CCDC77: variants seen among roughly 807,000 people sequenced by gnomAD.
CCDC77 encodes coiled-coil domain-containing protein 77.
Under a neutral mutation model 66.8 loss-of-function variants are expected in CCDC77, and 56 were observed. The ratio of observed to expected loss-of-function variants is 0.84; its 90% CI spans 0.68 to 1.05. The LOEUF (loss-of-function observed/expected upper bound fraction) is 1.05, where lower values mean the gene tolerates loss of function less well. CCDC77 is among the 50% of genes least tolerant of loss of function. The pLI is 0.00. For missense variants in CCDC77, 570 were observed against 576.8 expected (o/e 0.99, Z 0.12); for synonymous variants, 196 against 195.2 (o/e 1.00, Z -0.03).
chr12:428,744 T>C (rs765540054), intron 5 of CCDC77, 25 bp from the exon 6 acceptor site: 18 of 1,510,708 alleles, frequency 1.2e-5, no homozygotes, highest in Non-Finnish European at 1.4e-5. Flanking sequence ...TAATAATATG[T>C]GCTTGCTTTC....
At chr12:408,058 A>C (rs549494570) in intron 2 of CCDC77, among the ~76,000 whole-genome samples, 2 of 152,218 alleles carry the variant, frequency 1.3e-5, no homozygotes, top group East Asian at 3.9e-4. Context: ...AAGTGCTGGG[A>C]TTACAGGCAT....
chr12:411,455 C>T (rs1040578527), intron 3 of CCDC77, among the ~76,000 whole-genome samples: 2 of 151,746 alleles, frequency 1.3e-5, no homozygotes, highest in African/African-American at 4.8e-5. Context: ...GCTAGGATTA[C>T]AGGTGTGAGC....
At chr12:392,039 T>C (rs533615175) in intron 1 of CCDC77, among the ~76,000 whole-genome samples, 10 of 152,344 alleles carry the variant, frequency 6.6e-5, no homozygotes, top group African/African-American at 2.2e-4. Context: ...TCAGCTTCTA[T>C]GAGGGCATTC....
chr12:433,375 T>G, intron 9 of CCDC77, 53 bp downstream of exon 9: 1 of 1,593,728 alleles, frequency 6.3e-7, no homozygotes, highest in African/African-American at 1.4e-5. Flanking sequence ...TCTGAGTGAC[T>G]TAAAAGTTAA....
intron 6 of CCDC77, among the ~76,000 whole-genome samples, chr12:429,806 G>C (rs970787304): frequency 6.6e-6 from 1 of 151,916 alleles, no homozygotes; most frequent in African/African-American, 2.4e-5. Context: ...AAATTTTAGA[G>C]CTGAGGTCTT....
Position 438,527 on chromosome 12 carries a change from T to G in CCDC77, c.1014T>G (p.Ser338Arg). The change falls in exon 10 of 13, where the codon AGT becomes AGG. Residue 338 changes from serine to arginine, a missense_variant. Transcript: ENST00000239830. ...AAGTGTTGCCCGTTATGCATGAGAG[T>G]CACCATGCTCAAAGTGAATATATTA... Reference protein sequence around the residue: ...IGKVLPVMHESHHAQSEYIKS... With the variant: ...IGKVLPVMHERHHAQSEYIKS... 1 of 1,612,020 alleles carries G rather than the reference T, an allele frequency of 6.2e-7. No homozygotes were observed. The highest frequency in any genetic ancestry group is 8.5e-7 in the Non-Finnish European group (1 of 1,178,402).
chr12:416,046 C>T lies in CCDC77; in HGVS notation c.271-2448C>T, dbSNP rs540180619. On this transcript the variant is annotated intron_variant, in intron 4 of 12. Coordinates refer to ENST00000239830, the MANE Select transcript of CCDC77 (RefSeq NM_032358.4). ...GTCTTGAACGCCTGACCACAGATGA[C>T]CCATCTGGCTCGGCCTCCCAAGGTG... 2.4e-3 allele frequency among the ~76,000 whole-genome samples: 362 copies of T among 151,692 alleles called. 2 individuals carry two copies. Among genetic ancestry groups the T allele is most frequent in the African/African-American group, 8.3e-3 (344 of 41,364 alleles).
chr12:428,707 A>C, intron 5 of CCDC77, 62 bp from the exon 6 acceptor site: 7 of 1,129,782 alleles, frequency 6.2e-6, no homozygotes, highest in Non-Finnish European at 8.9e-6. Context: ...TCCTTTAAAC[A>C]GAAAAAGGTT....
At chr12:435,486 A>C (rs929040586) in intron 9 of CCDC77, among the ~76,000 whole-genome samples, 1 of 152,040 alleles carries the variant, frequency 6.6e-6, no homozygotes, top group Non-Finnish European at 1.5e-5. Context: ...AAGCCTAAAA[A>C]CCCCCTCAAG....
In CCDC77 at chr12:440,607, T is replaced by G. The variant is rs754761239; in HGVS notation, c.1042-10T>G. The G allele has an allele frequency of 1.2e-6, 2 of 1,613,436 alleles. No homozygotes were observed. The highest frequency in any genetic ancestry group is 2.7e-5 in the African/African-American group (2 of 74,912). ...TGAGTGTTAATGTTTTTTGTCCCTT[T>G]GACTTGTAGTCCCTAAAAGATAAGT... On this transcript the variant is annotated splice_polypyrimidine_tract_variant and intron_variant, in intron 10 of 12. Coordinates refer to ENST00000239830, the MANE Select transcript of CCDC77 (RefSeq NM_032358.4).
chr12:406,317 G>C (rs1460863282), intron 2 of CCDC77, among the ~76,000 whole-genome samples: 1 of 152,206 alleles, frequency 6.6e-6, no homozygotes, highest in Non-Finnish European at 1.5e-5. Flanking sequence ...CCCTGAAGGA[G>C]GAGAGGGAGT....
chr12:437,845 T>A (rs1356708208), intron 9 of CCDC77, among the ~76,000 whole-genome samples: 3 of 124,512 alleles, frequency 2.4e-5, no homozygotes, highest in Admixed American at 8.7e-5. Flanking sequence ...GACCCTGTCT[T>A]AAAAAAAAAA....
chr12:409,358 T>C lies in CCDC77; in HGVS notation c.-16-10T>C, dbSNP rs1190165254. ...TGGCCCGTAATTATGAATTTTTGTG[T>C]ATTTGATAGGTGTGAAAAAGACAGC... On this transcript the variant is annotated splice_polypyrimidine_tract_variant and intron_variant, in intron 2 of 12. Transcript: ENST00000239830. 1.4e-5 allele frequency: 22 copies of C among 1,606,888 alleles called. No individual in the cohort carries two copies. The highest frequency in any genetic ancestry group is 1.9e-5 in the Non-Finnish European group (22 of 1,174,318).
chr12:428,066 G>A (rs1945568236), intron 5 of CCDC77, among the ~76,000 whole-genome samples: 1 of 152,174 alleles, frequency 6.6e-6, no homozygotes, highest in South Asian at 2.1e-4. Context: ...ATGAGAGGCA[G>A]AAACTTGGGT....
chr12:417,508 A>C (rs941453906), intron 4 of CCDC77, among the ~76,000 whole-genome samples: 17 of 152,060 alleles, frequency 1.1e-4, no homozygotes, highest in African/African-American at 4.1e-4. Flanking sequence ...TATTTTAATC[A>C]TTTGCCTCTC....
At chr12:427,418 A>G (rs189687699) in intron 5 of CCDC77, among the ~76,000 whole-genome samples, 1 of 151,474 alleles carries the variant, frequency 6.6e-6, no homozygotes, top group Non-Finnish European at 1.5e-5. Context: ...TCTGTAAACC[A>G]TCTCCATATC....
At chr12:423,795 C>A (rs948470399) in intron 5 of CCDC77, among the ~76,000 whole-genome samples, 9 of 152,046 alleles carry the variant, frequency 5.9e-5, no homozygotes, top group Admixed American at 2.0e-4. Context: ...CTGTGCCCAG[C>A]CTTATTTTCT....
chr12:442,246 G>A lies in CCDC77; in HGVS notation c.*326G>A, dbSNP rs1945870576. On this transcript the variant is annotated 3_prime_UTR_variant, in exon 13 of 13. Coordinates refer to ENST00000239830, the MANE Select transcript of CCDC77 (RefSeq NM_032358.4). ...AGTGATGATGAAAACTTAGGAAGAA[G>A]GTATTTTGCAATAAGCTTGGCTGAG... The A allele has an allele frequency of 5.2e-6, 1 of 190,912 alleles. No individual in the cohort carries two copies. The highest frequency in any genetic ancestry group is 2.3e-5 in the African/African-American group (1 of 42,576). 11.8% of individuals were successfully genotyped at this position (190,912 alleles called of 1,614,324 possible). A position where few individuals can be genotyped will look rare whatever the true frequency, so the allele number is the denominator to read the frequency against.
intron 1 of CCDC77, among the ~76,000 whole-genome samples, chr12:404,405 C>T (rs1048726608): frequency 2.0e-5 from 3 of 152,136 alleles, no homozygotes; most frequent in African/African-American, 4.8e-5. Context: ...AGGATAGAAA[C>T]AGAAAAGAGC....
Sources: gnomAD v4.1 joint callset for allele counts (sites outside exome capture counted in the v4.1 genomes callset) on GRCh38, gnomAD v4.1.1 for gene constraint, MANE v1.5 for transcripts, NCBI Gene and HGNC (gene_info 2026-07-23, HGNC 2026-07-21) for gene names.